CDH12: variants seen among roughly 807,000 people sequenced by gnomAD.
CDH12 encodes the protein cadherin 12.
CDH12 carries 41 observed loss-of-function variants against 74.1 expected under a neutral mutation model. That is an observed-to-expected ratio of 0.55 (90% confidence interval 0.43 to 0.72). The LOEUF is 0.72. Among genes scored for constraint, CDH12 ranks in the 30% least tolerant of loss-of-function variants. CDH12 has a pLI of 0.00. For missense variants in CDH12, 945 were observed against 977.2 expected (o/e 0.97, Z 0.44); for synonymous variants, 399 against 355.0 (o/e 1.12, Z -1.39).
intron 5 of CDH12, among the ~76,000 whole-genome samples, chr5:21,985,082 A>G (rs1757458782): frequency 6.6e-6 from 1 of 152,136 alleles, no homozygotes; most frequent in African/African-American, 2.4e-5. Context: ...CTGAACACGA[A>G]GCCCCATAAG....
At chr5:22,661,504 C>A (rs1449580553) in intron 1 of CDH12, among the ~76,000 whole-genome samples, 1 of 151,984 alleles carries the variant, frequency 6.6e-6, no homozygotes, top group Non-Finnish European at 1.5e-5. Flanking sequence ...AAATTATTGA[C>A]CTTAAAAAGG....
chr5:22,016,392 A>AT (rs1213541475), intron 5 of CDH12, among the ~76,000 whole-genome samples: 4 of 151,466 alleles, frequency 2.6e-5, no homozygotes, highest in South Asian at 2.1e-4. Flanking sequence ...CTTATATAAG[A>AT]TTTTTTTTGT....
intron 3 of CDH12, among the ~76,000 whole-genome samples, chr5:22,290,459 CA>C: frequency 6.6e-6 from 1 of 151,992 alleles, no homozygotes; most frequent in Non-Finnish European, 1.5e-5. Context: ...GACAAAGGAA[CA>C]AAAAATCAAA....
At chr5:22,231,603 T>C (rs1752387093) in intron 3 of CDH12, among the ~76,000 whole-genome samples, 1 of 152,008 alleles carries the variant, frequency 6.6e-6, no homozygotes, top group Non-Finnish European at 1.5e-5. Flanking sequence ...TATTGAAAAC[T>C]ATTAAACTAT....
chr5:22,751,612 A>G (rs1391657640), intron 1 of CDH12, among the ~76,000 whole-genome samples: 1 of 152,092 alleles, frequency 6.6e-6, no homozygotes, highest in African/African-American at 2.4e-5. Flanking sequence ...TAATGTTTCT[A>G]TATCCATTTA....
chr5:22,631,575 C>G (rs555294927), intron 1 of CDH12, among the ~76,000 whole-genome samples: 3 of 152,116 alleles, frequency 2.0e-5, no homozygotes, highest in Non-Finnish European at 4.4e-5. Context: ...GCAAGTGGGA[C>G]CTAAACATCG....
intron 1 of CDH12, among the ~76,000 whole-genome samples, chr5:22,522,018 T>C (rs144869206): frequency 1.4e-3 from 206 of 152,302 alleles, no homozygotes; most frequent in African/African-American, 4.7e-3. Flanking sequence ...ATTAATGTGG[T>C]ATGTCATTAA....
chr5:22,544,906 G>A (rs1318790951), intron 1 of CDH12, among the ~76,000 whole-genome samples: 1 of 152,014 alleles, frequency 6.6e-6, no homozygotes, highest in Non-Finnish European at 1.5e-5. Context: ...GAAAGAAGAG[G>A]CTACAGGTGA....
At chr5:21,920,963 ATGCT>A (rs2051312238) in intron 6 of CDH12, among the ~76,000 whole-genome samples, 1 of 152,196 alleles carries the variant, frequency 6.6e-6, no homozygotes. Context: ...TCTGCAGCAG[ATGCT>A]TGGAAACCAC....
intron 4 of CDH12, among the ~76,000 whole-genome samples, chr5:22,114,139 G>A (rs1744961027): frequency 6.6e-6 from 1 of 152,058 alleles, no homozygotes; most frequent in Non-Finnish European, 1.5e-5. Flanking sequence ...TTGTTACGCT[G>A]CCTTACTATA....
chr5:22,393,921 G>A (rs534869375), intron 3 of CDH12, among the ~76,000 whole-genome samples: 21 of 152,200 alleles, frequency 1.4e-4, no homozygotes, highest in Non-Finnish European at 2.2e-4. Context: ...GATGACTTTA[G>A]CTGAGGAGGT....
At chr5:22,362,220 A>C (rs1489942465) in intron 3 of CDH12, among the ~76,000 whole-genome samples, 3 of 152,212 alleles carry the variant, frequency 2.0e-5, no homozygotes, top group Non-Finnish European at 4.4e-5. Context: ...CAAAGAACTC[A>C]AACAAATTTA....
chr5:22,595,740 C>A (rs914197300), intron 1 of CDH12, among the ~76,000 whole-genome samples: 5 of 152,018 alleles, frequency 3.3e-5, no homozygotes, highest in Non-Finnish European at 7.4e-5. Flanking sequence ...CCATACCCTA[C>A]AAATTCAATA....
chr5:21,856,116 T>TCCATCATCATCA, intron 6 of CDH12, among the ~76,000 whole-genome samples: 1 of 151,728 alleles, frequency 6.6e-6, no homozygotes, highest in South Asian at 2.1e-4. Flanking sequence ...ACTAATATTA[T>TCCATCATCATCA]CCATCATCAT....
At chr5:22,424,219 T>C (rs1743796358) in intron 2 of CDH12, among the ~76,000 whole-genome samples, 1 of 152,124 alleles carries the variant, frequency 6.6e-6, no homozygotes, top group Non-Finnish European at 1.5e-5. Context: ...TATCTGTGAA[T>C]GGGATCTTAC....
At chr5:22,036,660 T>C (rs1305988400) in intron 5 of CDH12, among the ~76,000 whole-genome samples, 1 of 152,186 alleles carries the variant, frequency 6.6e-6, no homozygotes, top group Non-Finnish European at 1.5e-5. Context: ...ATGAGACTTA[T>C]GTACACAGAA....
Position 22,438,090 on chromosome 5 carries a change from A to G in CDH12, c.-427-32739T>C, listed in dbSNP as rs547523575. On this transcript the variant is annotated intron_variant, in intron 2 of 14. Coordinates refer to ENST00000382254, the MANE Select transcript of CDH12 (RefSeq NM_004061.5). ...AATCTATGGCAAATTTGGTGTACTT[A>G]TCTTTACTTAGAAACGTCTTAACCT... is the stretch of plus-strand genomic sequence containing the variant. Among the ~76,000 whole-genome samples the G allele has an allele frequency of 9.9e-5, 15 of 152,076 alleles. No homozygotes were observed. In the South Asian group the frequency reaches 2.7e-3, roughly 27 times the overall value.
intron 2 of CDH12, among the ~76,000 whole-genome samples, chr5:22,434,919 A>T (rs1744316508): frequency 6.6e-6 from 1 of 152,134 alleles, no homozygotes. Context: ...AGTGAAAGAG[A>T]TCTAACTCAA....
intron 1 of CDH12, among the ~76,000 whole-genome samples, chr5:22,635,383 T>A (rs1183664029): frequency 6.6e-6 from 1 of 152,094 alleles, no homozygotes; most frequent in Non-Finnish European, 1.5e-5. Context: ...GCTAAAATTA[T>A]AAACTTATAA....
Sources: allele counts gnomAD v4.1 joint callset (sites outside exome capture counted in the v4.1 genomes callset), GRCh38; gene constraint gnomAD v4.1.1; transcripts MANE v1.5; gene names NCBI Gene and HGNC (gene_info 2026-07-23, HGNC 2026-07-21).